CRLF3: variants seen among roughly 807,000 people sequenced by gnomAD.
The protein encoded by CRLF3 is cytokine receptor like factor 3, also known as cytokine receptor-like factor 3.
Under a neutral mutation model 55.0 loss-of-function variants are expected in CRLF3, and 33 were observed. The observed-to-expected ratio is 0.60, with a 90% CI of 0.46 to 0.80. The LOEUF is 0.80. Among genes scored for constraint, CRLF3 ranks in the 30% least tolerant of loss-of-function variants. The pLI is 0.00. For missense variants in CRLF3, 494 were observed against 538.4 expected (o/e 0.92, Z 0.82); for synonymous variants, 238 against 196.8 (o/e 1.21, Z -1.75).
At chr17:30,810,815 G>C (rs962847926) in intron 1 of CRLF3, among the ~76,000 whole-genome samples, 2 of 152,112 alleles carry the variant, frequency 1.3e-5, no homozygotes, top group Non-Finnish European at 2.9e-5. Context: ...CATATGTAGA[G>C]GCCAGGTGCG....
rs146403322 is a variant in CRLF3 at position 30,795,366 on chromosome 17, G to A, written c.603+794C>T. 2.9e-3 allele frequency among the ~76,000 whole-genome samples: 442 copies of A among 151,726 alleles called. 2 individuals carry two copies. The highest frequency in any genetic ancestry group is 0.01 in the African/African-American group (416 of 41,390). On this transcript the variant is annotated intron_variant, in intron 4 of 7. Transcript: ENST00000324238. ...TACAAACTTAGCCAGGTGTGGTGGCGCATGCCTTAATCCCAGCTACTTGGG... is the reference window on the plus strand; with the variant it reads ...TACAAACTTAGCCAGGTGTGGTGGCACATGCCTTAATCCCAGCTACTTGGG...
Position 30,824,679 on chromosome 17 carries a change from G to GC in CRLF3, c.-29dup. The GC allele has an allele frequency of 6.3e-7, 1 of 1,580,504 alleles. No homozygotes were observed. Among genetic ancestry groups the GC allele is most frequent in the Non-Finnish European group, 8.5e-7 (1 of 1,170,308 alleles). Reference sequence around the variant, plus strand: ...GGCCGCGCGGCCGGCGAAACCTAGCGCGGGTTCCCGACTGCACCGGGCGCC... The same window carrying GC: ...GGCCGCGCGGCCGGCGAAACCTAGCGCCGGGTTCCCGACTGCACCGGGCGCC... On this transcript the variant is annotated 5_prime_UTR_variant, in exon 1 of 8. Transcript: ENST00000324238.
intron 6 of CRLF3, among the ~76,000 whole-genome samples, chr17:30,789,339 C>T (rs1219287024): frequency 2.6e-5 from 4 of 152,102 alleles, no homozygotes; most frequent in Non-Finnish European, 4.4e-5. Context: ...TAAATATTTA[C>T]TGAATGGTCT....
In CRLF3 at chr17:30,782,690, T is replaced by C. The variant is rs1438846100; in HGVS notation, c.*1497A>G. ...AAGAAAAAAGTACACACACTGAACT[T>C]TTTTAGTTTTTTATTTTGATTCCTA... On this transcript the variant is annotated 3_prime_UTR_variant, in exon 8 of 8. Transcript: ENST00000324238. The C allele has an allele frequency of 6.6e-6, 1 of 152,122 alleles. No individual in the cohort carries two copies. The highest frequency in any genetic ancestry group is 1.5e-5 in the Non-Finnish European group (1 of 68,026). The allele number at this position is 152,122 out of a possible 1,614,324, so 9.4% of individuals were successfully genotyped here. A position where few individuals can be genotyped will look rare whatever the true frequency, so the allele number is the denominator to read the frequency against.
At chr17:30,788,621 T>C (rs2142243969) in intron 6 of CRLF3, among the ~76,000 whole-genome samples, 1 of 143,800 alleles carries the variant, frequency 7.0e-6, no homozygotes, top group East Asian at 2.0e-4. Flanking sequence ...TTTTTTTTTT[T>C]TTTTGAGACA....
In CRLF3 at chr17:30,808,476, T is replaced by C. The variant is rs559102408; in HGVS notation, c.130-4368A>G. Among the ~76,000 whole-genome samples the C allele has an allele frequency of 8.6e-5, 13 of 151,144 alleles. No individual in the cohort carries two copies. The East Asian group carries it at 1.6e-3, about 18-fold the overall frequency. ...CTAATTTTTGTATTTTTAGTAGAGA[T>C]GGGGTTTCATCATATTGGTCAGGCT... is the stretch of plus-strand genomic sequence containing the variant. On this transcript the variant is annotated intron_variant, in intron 1 of 7. Coordinates refer to ENST00000324238, the MANE Select transcript of CRLF3 (RefSeq NM_015986.4).
chr17:30,820,887 T>TA (rs1331322852), intron 1 of CRLF3, among the ~76,000 whole-genome samples: 8 of 142,306 alleles, frequency 5.6e-5, no homozygotes, highest in African/African-American at 7.8e-5. Flanking sequence ...TCATCTCTAC[T>TA]AAAAAAAATT....
In CRLF3 at chr17:30,792,779, T is replaced by C. The variant is rs113659533; in HGVS notation, c.827-207A>G. ...AGTATATTCCTGCATAATTTTGACA[T>C]AATAAATCACACAAGTGTTATCTCT... On this transcript the variant is annotated intron_variant, in intron 5 of 7. Transcript: ENST00000324238. 4.6e-4 allele frequency: 209 copies of C among 450,072 alleles called. 2 individuals carry two copies. Among genetic ancestry groups the C allele is most frequent in the African/African-American group, 3.0e-3 (144 of 47,642 alleles). The allele number at this position is 450,072 out of a possible 1,614,324, so 27.9% of individuals were successfully genotyped here.
chr17:30,812,846 G>A (rs1055475366), intron 1 of CRLF3, among the ~76,000 whole-genome samples: 1 of 152,158 alleles, frequency 6.6e-6, no homozygotes, highest in Non-Finnish European at 1.5e-5. Flanking sequence ...GAGGACAAGG[G>A]GAAAGAGACA....
chr17:30,822,014 T>C (rs1273531791), intron 1 of CRLF3, among the ~76,000 whole-genome samples: 4 of 145,400 alleles, frequency 2.8e-5, no homozygotes, highest in South Asian at 4.3e-4. Flanking sequence ...AGCCCAGGAG[T>C]TGGAGACCAG....
chr17:30,791,116 C>G (rs892696371), intron 6 of CRLF3, among the ~76,000 whole-genome samples: 2 of 151,902 alleles, frequency 1.3e-5, no homozygotes, highest in African/African-American at 2.4e-5. Flanking sequence ...CGGGTCTTGC[C>G]CTGTTGCCAG....
At chr17:30,795,787 T>C (rs1470385794) in intron 4 of CRLF3, among the ~76,000 whole-genome samples, 1 of 151,750 alleles carries the variant, frequency 6.6e-6, no homozygotes, top group Non-Finnish European at 1.5e-5. Context: ...AATACAAAAA[T>C]TAGGCAGGTG....
Position 30,793,679 on chromosome 17 carries a change from A to T in CRLF3, c.604-7T>A. 6.3e-7 allele frequency: 1 copy of T among 1,596,520 alleles called. No homozygotes were observed. The highest frequency in any genetic ancestry group is 1.7e-5 in the Admixed American group (1 of 58,738). On this transcript the variant is annotated splice_polypyrimidine_tract_variant and splice_region_variant and intron_variant, in intron 4 of 7. Coordinates refer to ENST00000324238, the MANE Select transcript of CRLF3 (RefSeq NM_015986.4). ...CTGTAAAGTCATCATCCACCTAGGG[A>T]GAAAAGCTTTATGTTAGGTAAAAAA... is the stretch of plus-strand genomic sequence containing the variant.
intron 4 of CRLF3, among the ~76,000 whole-genome samples, chr17:30,794,116 G>C (rs566821332): frequency 6.6e-6 from 1 of 152,112 alleles, no homozygotes; most frequent in African/African-American, 2.4e-5. Context: ...CTATAGGCGT[G>C]AGACACTGCG....
chr17:30,807,688 A>G (rs1904459708), intron 1 of CRLF3, among the ~76,000 whole-genome samples: 1 of 151,306 alleles, frequency 6.6e-6, no homozygotes, highest in African/African-American at 2.4e-5. Context: ...GCATGCCACC[A>G]CGCCTGGCTA....
chr17:30,797,982 G>C (rs561133921), intron 2 of CRLF3, among the ~76,000 whole-genome samples: 18,127 of 142,070 alleles, frequency 0.13, 1,190 homozygotes, highest in South Asian at 0.24. Flanking sequence ...GTCTCACTAT[G>C]TTGCCCAGGC....
At chr17:30,794,820 A>G (rs535593319) in intron 4 of CRLF3, among the ~76,000 whole-genome samples, 65 of 152,236 alleles carry the variant, frequency 4.3e-4, no homozygotes, top group Middle Eastern at 6.8e-3. Context: ...ATAAAACCAC[A>G]ACAAGGTACA....
At chr17:30,784,795 G>C (rs186808588) in intron 7 of CRLF3, 2 of 191,424 alleles carry the variant, frequency 1.0e-5, no homozygotes, top group African/African-American at 5.4e-5. Flanking sequence ...TTTCACTCTT[G>C]TTGCCCAGGC....
At position 30,816,799 on chromosome 17, in the gene CRLF3, A is replaced by G. The variant is rs189372867; in HGVS notation, c.129+7724T>C. Among the ~76,000 whole-genome samples the G allele has an allele frequency of 8.3e-3, 1,224 of 148,146 alleles. 19 individuals carry two copies. The highest frequency in any genetic ancestry group is 0.029 in the African/African-American group (1,164 of 40,178). On this transcript the variant is annotated intron_variant, in intron 1 of 7. Transcript: ENST00000324238. ...CCAGCATGCCTACTGCACCTTTTCTATGTTAGATGCACACTTACAGTTATG... is the reference window on the plus strand; with the variant it reads ...CCAGCATGCCTACTGCACCTTTTCTGTGTTAGATGCACACTTACAGTTATG...
Sources: allele counts gnomAD v4.1 joint callset (sites outside exome capture counted in the v4.1 genomes callset), GRCh38; gene constraint gnomAD v4.1.1; transcripts MANE v1.5; gene names NCBI Gene and HGNC (gene_info 2026-07-23, HGNC 2026-07-21).